Variants in ECT2 observed in about 807,000 individuals in gnomAD.
The protein encoded by ECT2 is protein ECT2.
A neutral mutation model predicts 116.9 loss-of-function variants in ECT2; 61 were observed. That is an observed-to-expected ratio of 0.52 (90% CI 0.42 to 0.65). The LOEUF is 0.65. Ranked by LOEUF, ECT2 falls within the 30% of genes least tolerant of loss-of-function variation. ECT2 has a pLI of 0.00. For missense variants in ECT2, 937 were observed against 1,078.7 expected, an observed-to-expected ratio of 0.87 and a Z score of 1.84; for synonymous variants, 358 against 346.4, an observed-to-expected ratio of 1.03 and a Z score of -0.37.
At chr3:172,815,782 C>A in intron 23 of ECT2, 71 bp downstream of exon 23, 1 of 937,698 alleles carries the variant, frequency 1.1e-6, no homozygotes, top group Non-Finnish European at 1.7e-6. Context: ...AATAATATTG[C>A]TGCAAACACC....
intron 22 of ECT2, among the ~76,000 whole-genome samples, chr3:172,809,688 T>C (rs1249773254): frequency 6.6e-6 from 1 of 152,144 alleles, no homozygotes; most frequent in African/African-American, 2.4e-5. Flanking sequence ...TGTATATATA[T>C]AATTTTTTGG....
chr3:172,786,045 G>T (rs1397704674), intron 17 of ECT2, among the ~76,000 whole-genome samples: 1 of 152,186 alleles, frequency 6.6e-6, no homozygotes, highest in Non-Finnish European at 1.5e-5. Context: ...ACCTGGATTA[G>T]AAGAGTCAAC....
intron 2 of ECT2, 78 bp downstream of exon 2, chr3:172,754,738 T>C: frequency 2.7e-6 from 3 of 1,127,376 alleles, no homozygotes; most frequent in Non-Finnish European, 3.8e-6. Context: ...TAAGATTTAA[T>C]TTTAATACCA....
chr3:172,814,422 T>G (rs1308287296), intron 22 of ECT2, among the ~76,000 whole-genome samples: 2 of 152,100 alleles, frequency 1.3e-5, no homozygotes, highest in Non-Finnish European at 2.9e-5. Context: ...GTTTTTTCTC[T>G]GTCACCACAG....
chr3:172,762,586 T>G, intron 9 of ECT2, 40 bp downstream of exon 9: 2 of 1,571,404 alleles, frequency 1.3e-6, no homozygotes, highest in Non-Finnish European at 1.7e-6. Flanking sequence ...TCTATTTTAG[T>G]CCCTAGGCCT....
intron 20 of ECT2, 52 bp downstream of exon 20, chr3:172,803,032 C>T (rs1334795063): frequency 6.9e-7 from 1 of 1,456,698 alleles, no homozygotes; most frequent in Non-Finnish European, 9.2e-7. Flanking sequence ...TTGTAAGTTC[C>T]CTGAATATTT....
At chr3:172,761,055 C>G (rs1039699936) in intron 7 of ECT2, among the ~76,000 whole-genome samples, 1 of 152,028 alleles carries the variant, frequency 6.6e-6, no homozygotes, top group African/African-American at 2.4e-5. Context: ...GAGCTCTGCT[C>G]TTATAAAGTG....
intron 22 of ECT2, among the ~76,000 whole-genome samples, chr3:172,813,991 C>A (rs530658219): frequency 6.6e-6 from 1 of 151,912 alleles, no homozygotes; most frequent in African/African-American, 2.4e-5. Flanking sequence ...ATGGGTAATT[C>A]GTGTTTTCTG....
chr3:172,821,408 T>C lies in ECT2; in HGVS notation c.*1171T>C, dbSNP rs1184797972. ...ACTTCTGAGAGTAGTAAATGACTCT[T>C]TGCTACATTTTAAAAGCAATTGTAT... On this transcript the variant is annotated 3_prime_UTR_variant, in exon 25 of 25. Transcript: ENST00000392692. The C allele has an allele frequency of 6.6e-6, 1 of 151,906 alleles. No homozygotes were observed. The highest frequency in any genetic ancestry group is 1.5e-5 in the Non-Finnish European group (1 of 67,798). 9.4% of individuals were successfully genotyped at this position (151,906 alleles called of 1,614,324 possible). A position where few individuals can be genotyped will look rare whatever the true frequency, so the allele number is the denominator to read the frequency against.
intron 14 of ECT2, among the ~76,000 whole-genome samples, chr3:172,780,652 C>T (rs912955803): frequency 6.6e-6 from 1 of 152,136 alleles, no homozygotes; most frequent in African/African-American, 2.4e-5. Context: ...AAGCTCAGAC[C>T]CATCAGTTGT....
Position 172,820,226 on chromosome 3 carries a change from C to CA in ECT2, c.2735dup (p.His912GlnfsTer13). 3.7e-6 allele frequency: 6 copies of CA among 1,603,720 alleles called. No homozygotes were observed. The highest frequency in any genetic ancestry group is 5.1e-6 in the Non-Finnish European group (6 of 1,174,196). ...TCATACGTTAAGTAGATCTACAACT[C>CA]ATTTGATATGAAGCGTTACCAAAAT... On this transcript the variant is annotated frameshift_variant, in exon 25 of 25. Coordinates refer to ENST00000392692, the MANE Select transcript of ECT2 (RefSeq NM_001258315.2). LOFTEE classifies it high-confidence loss of function.
chr3:172,773,782 G>C, intron 13 of ECT2, 121 bp from the exon 14 acceptor site: 1 of 993,494 alleles, frequency 1.0e-6, no homozygotes, highest in Non-Finnish European at 1.5e-6. Flanking sequence ...AATTTAGGGA[G>C]AGTATTTTTT....
In ECT2 at chr3:172,820,206, C is replaced by T. The variant is rs757942930; in HGVS notation, c.2714C>T (p.Thr905Met). 10 of 1,609,828 alleles carry T rather than the reference C, an allele frequency of 6.2e-6. No homozygotes were observed. Among genetic ancestry groups the T allele is most frequent in the African/African-American group, 4.0e-5 (3 of 74,706 alleles). The change falls in exon 25 of 25, where the codon ACG becomes ATG. Residue 905 changes from threonine (T) to methionine (M), a missense_variant. By Grantham distance (81) the Thr-to-Met change is moderately conservative (BLOSUM62 -1). Coordinates refer to ENST00000392692, the MANE Select transcript of ECT2 (RefSeq NM_001258315.2). ...LPSFFERRSH[T>M]LSRSTTHLI ...TCCTTCTTTGAAAGGAGAAGTCATA[C>T]GTTAAGTAGATCTACAACTCATTTG...
At chr3:172,775,630 G>A (rs923904996) in intron 14 of ECT2, among the ~76,000 whole-genome samples, 2 of 150,054 alleles carry the variant, frequency 1.3e-5, no homozygotes, top group Non-Finnish European at 2.9e-5. Context: ...GGTTTTGTGG[G>A]TTTTTTTCTT....
In ECT2 at chr3:172,783,786, C is replaced by T. The variant is rs768110911; in HGVS notation, c.1618-13C>T. ...TGCATAATAAATAATGTTTTTTTCC[C>T]TTTTCTTCCTAGTCAAAAGATTTGG... is the stretch of plus-strand genomic sequence containing the variant. On this transcript the variant is annotated splice_polypyrimidine_tract_variant and intron_variant, in intron 15 of 24. Coordinates refer to ENST00000392692, the MANE Select transcript of ECT2 (RefSeq NM_001258315.2). The T allele has an allele frequency of 1.4e-5, 21 of 1,519,884 alleles. No individual in the cohort carries two copies. In the East Asian group the frequency reaches 3.2e-4, roughly 23 times the overall value. The allele number at this position is 1,519,884 out of a possible 1,614,324, so 94.1% of individuals were successfully genotyped here. A position where few individuals can be genotyped will look rare whatever the true frequency, so the allele number is the denominator to read the frequency against.
chr3:172,815,371 AT>A lies in ECT2; in HGVS notation c.2401-230del, dbSNP rs368227255. ...GTTGTTAGATTTTATTTTGAGGTCT[AT>A]TTCCAATTGCTTTGGTATCCATGAC... On this transcript the variant is annotated intron_variant, in intron 22 of 24. Coordinates refer to ENST00000392692, the MANE Select transcript of ECT2 (RefSeq NM_001258315.2). Among the ~76,000 whole-genome samples, 407 of 152,194 alleles carry A rather than the reference AT, an allele frequency of 2.7e-3. 2 individuals carry two copies. The highest frequency in any genetic ancestry group is 9.2e-3 in the African/African-American group (383 of 41,562).
chr3:172,769,176 G>T (rs1576885946), intron 13 of ECT2, 33 bp downstream of exon 13: 1 of 1,566,734 alleles, frequency 6.4e-7, no homozygotes, highest in Non-Finnish European at 8.7e-7. Context: ...AATGATTTCT[G>T]TTCCAGTGTT....
At position 172,780,464 on chromosome 3, in the gene ECT2, G is replaced by T. The variant is rs373144583; in HGVS notation, c.1549-1699G>T. Among the ~76,000 whole-genome samples the T allele has an allele frequency of 1.7e-3, 263 of 152,226 alleles. 5 individuals carry two copies. The highest frequency in any genetic ancestry group is 6.1e-3 in the African/African-American group (255 of 41,532). ...TCATTTCTCTTGAGTAGATACCTAG[G>T]AGTAGCATTGATGAGCTATATGGTA... On this transcript the variant is annotated intron_variant, in intron 14 of 24. Coordinates refer to ENST00000392692, the MANE Select transcript of ECT2 (RefSeq NM_001258315.2).
In ECT2 at chr3:172,811,575, A is replaced by T. The variant is rs531772905; in HGVS notation, c.2400+3651A>T. On this transcript the variant is annotated intron_variant, in intron 22 of 24. Transcript: ENST00000392692. ...CCCTGGTTCCATTTTTAGTTCATTG[A>T]TGGTTATTAATACTTAGTCATAGTT... is the stretch of plus-strand genomic sequence containing the variant. 3.3e-5 allele frequency among the ~76,000 whole-genome samples: 5 copies of T among 152,270 alleles called. No individual in the cohort carries two copies. In the East Asian group the frequency reaches 9.7e-4, roughly 29 times the overall value.
Sources: gnomAD v4.1 joint callset for allele counts (sites outside exome capture counted in the v4.1 genomes callset) on GRCh38, gnomAD v4.1.1 for gene constraint, MANE v1.5 for transcripts, NCBI Gene and HGNC (gene_info 2026-07-23, HGNC 2026-07-21) for gene names.